Variants in CDH2 observed in about 807,000 individuals in gnomAD.
The protein encoded by CDH2 is cadherin-2.
CDH2 carries 17 observed loss-of-function variants against 92.0 expected under a neutral mutation model. The observed-to-expected ratio is 0.18, with a 90% CI of 0.13 to 0.28. The LOEUF (loss-of-function observed/expected upper bound fraction) is 0.28. CDH2 is among the 10% of genes least tolerant of loss of function. CDH2 has a pLI of 1.00. For missense variants in CDH2, 862 were observed against 1,133.1 expected, an observed-to-expected ratio of 0.76 and a Z score of 3.44; for synonymous variants, 419 against 415.9, an observed-to-expected ratio of 1.01 and a Z score of -0.09.
intron 1 of CDH2, among the ~76,000 whole-genome samples, chr18:28,158,553 T>C (rs1598516708): frequency 6.6e-6 from 1 of 152,210 alleles, no homozygotes; most frequent in Non-Finnish European, 1.5e-5. Context: ...CTCTGCTAAC[T>C]CTCACTGTCC....
intron 2 of CDH2, among the ~76,000 whole-genome samples, chr18:28,071,575 G>A (rs2014618892): frequency 6.6e-6 from 1 of 152,170 alleles, no homozygotes; most frequent in African/African-American, 2.4e-5. Flanking sequence ...CCATTAGCCA[G>A]AAAGCAGGAA....
intron 2 of CDH2, among the ~76,000 whole-genome samples, chr18:28,043,531 G>T (rs1286466961): frequency 3.1e-5 from 4 of 131,058 alleles, no homozygotes; most frequent in Middle Eastern, 4.3e-3. Flanking sequence ...GGTTTGATTT[G>T]AAGTAGTTGA....
chr18:28,135,316 T>C (rs117615156), intron 2 of CDH2, among the ~76,000 whole-genome samples: 2,716 of 152,308 alleles, frequency 0.018, 40 homozygotes, highest in Middle Eastern at 0.061. Context: ...GATCTACCAA[T>C]AGGCAGCCAA....
At chr18:27,945,213 C>T (rs1462944545) in intron 6 of CDH2, among the ~76,000 whole-genome samples, 1 of 151,638 alleles carries the variant, frequency 6.6e-6, no homozygotes. Flanking sequence ...AAAAGCAAGA[C>T]CCGTAAGACT....
At chr18:28,132,293 G>T (rs922999043) in intron 2 of CDH2, among the ~76,000 whole-genome samples, 2 of 152,176 alleles carry the variant, frequency 1.3e-5, no homozygotes, top group Admixed American at 1.3e-4. Context: ...ATCAGCTAAC[G>T]TGACTGGAGG....
intron 1 of CDH2, chr18:28,159,206 C>A (rs2016267999): frequency 6.6e-6 from 1 of 152,214 alleles, no homozygotes; most frequent in Non-Finnish European, 1.5e-5. Context: ...CTGTCCCCTA[C>A]TCCGCCCATC....
intron 9 of CDH2, among the ~76,000 whole-genome samples, chr18:27,991,343 C>T (rs2012408690): frequency 6.6e-6 from 1 of 152,140 alleles, no homozygotes; most frequent in Non-Finnish European, 1.5e-5. Context: ...CAGTTTCGTA[C>T]CCTAGACCAC....
intron 2 of CDH2, among the ~76,000 whole-genome samples, chr18:28,134,056 G>A (rs554513196): frequency 6.7e-6 from 1 of 148,964 alleles, no homozygotes; most frequent in Non-Finnish European, 1.5e-5. Flanking sequence ...AGCTACTCAG[G>A]CGGCTAAAGT....
rs201848918 is a variant in CDH2 at position 27,963,349 on chromosome 18, C to G, written c.2514+8G>C. On this transcript the variant is annotated splice_region_variant and intron_variant, in intron 15 of 15. Coordinates refer to ENST00000269141, the MANE Select transcript of CDH2 (RefSeq NM_001792.5). ...ACTCTTATAGAGAAAACGAGTGTCT[C>G]TCTGTACCTCATTAATGAAGTCCCC... 1 of 1,613,794 alleles carries G rather than the reference C, an allele frequency of 6.2e-7. No homozygotes were observed. Among genetic ancestry groups the G allele is most frequent in the Middle Eastern group, 1.7e-4 (1 of 6,042 alleles).
At chr18:28,005,370 T>C (rs1289748014) in intron 6 of CDH2, among the ~76,000 whole-genome samples, 1 of 152,148 alleles carries the variant, frequency 6.6e-6, no homozygotes, top group Non-Finnish European at 1.5e-5. Context: ...ATCACAGATG[T>C]TACTAAGCCC....
chr18:28,043,075 G>A (rs961696072), intron 2 of CDH2, among the ~76,000 whole-genome samples: 3 of 152,036 alleles, frequency 2.0e-5, no homozygotes, highest in African/African-American at 7.3e-5. Flanking sequence ...TCAACTATTT[G>A]TTGGCTGTGA....
intron 2 of CDH2, among the ~76,000 whole-genome samples, chr18:28,032,333 T>C (rs1001174098): frequency 6.6e-6 from 1 of 152,154 alleles, no homozygotes; most frequent in Non-Finnish European, 1.5e-5. Context: ...GCTCAGCATC[T>C]GAACCATCAA....
chr18:28,103,152 A>AAAC (rs2015255267), intron 2 of CDH2, among the ~76,000 whole-genome samples: 1 of 147,196 alleles, frequency 6.8e-6, no homozygotes, highest in African/African-American at 2.5e-5. Context: ...ATATATATAT[A>AAAC]TAAACTCCTT....
At chr18:28,091,976 A>G (rs2144213329) in intron 2 of CDH2, among the ~76,000 whole-genome samples, 1 of 151,608 alleles carries the variant, frequency 6.6e-6, no homozygotes, top group South Asian at 2.1e-4. Context: ...GCTTGTAGAC[A>G]ATCTTCTCCC....
chr18:28,019,396 A>G (rs1384605467), intron 2 of CDH2, among the ~76,000 whole-genome samples: 1 of 152,044 alleles, frequency 6.6e-6, no homozygotes, highest in African/African-American at 2.4e-5. Flanking sequence ...AAGAAAAGAA[A>G]AAGAGAAACA....
intron 14 of CDH2, 132 bp from the exon 15 acceptor site, chr18:27,963,653 A>ATGAG (rs1271331993): frequency 1.7e-5 from 12 of 691,460 alleles, no homozygotes; most frequent in East Asian, 2.7e-5. Context: ...AGTTGCCACT[A>ATGAG]TGAGTTTTTC....
chr18:27,981,038 G>A (rs1434864759), intron 14 of CDH2, among the ~76,000 whole-genome samples: 1 of 152,108 alleles, frequency 6.6e-6, no homozygotes, highest in Admixed American at 6.5e-5. Flanking sequence ...AGGAGAGGAA[G>A]ATTCAGATTA....
At chr18:28,081,915 G>A (rs947788144) in intron 2 of CDH2, among the ~76,000 whole-genome samples, 8 of 152,070 alleles carry the variant, frequency 5.3e-5, no homozygotes, top group South Asian at 2.1e-4. Context: ...AACATAAGCC[G>A]GCAAGGAAGG....
At chr18:28,036,006 TA>T (rs1202626466) in intron 2 of CDH2, among the ~76,000 whole-genome samples, 1 of 152,150 alleles carries the variant, frequency 6.6e-6, no homozygotes, top group Non-Finnish European at 1.5e-5. Flanking sequence ...ATAACATAAT[TA>T]AATAGAGTAT....
Sources: allele counts gnomAD v4.1 joint callset (sites outside exome capture counted in the v4.1 genomes callset), GRCh38; gene constraint gnomAD v4.1.1; transcripts MANE v1.5; gene names NCBI Gene and HGNC (gene_info 2026-07-23, HGNC 2026-07-21).